Variants in PDLIM5 observed in about 807,000 individuals in gnomAD.
The protein encoded by PDLIM5 is PDZ and LIM domain protein 5.
Under a neutral mutation model 64.2 loss-of-function variants are expected in PDLIM5, and 34 were observed. That is an observed-to-expected ratio of 0.53 (90% CI 0.40 to 0.71). PDLIM5 has a LOEUF of 0.71. PDLIM5 is among the 30% of genes least tolerant of loss of function. The probability of loss-of-function intolerance (pLI) is 0.00; values close to 1 mark genes in which losing one functional copy is unlikely to be tolerated. For missense variants in PDLIM5, 683 were observed against 733.6 expected, an observed-to-expected ratio of 0.93 and a Z score of 0.80; for synonymous variants, 253 against 269.1, an observed-to-expected ratio of 0.94 and a Z score of 0.59.
At chr4:94,530,846 C>T (rs1222870272) in intron 3 of PDLIM5, among the ~76,000 whole-genome samples, 1 of 152,156 alleles carries the variant, frequency 6.6e-6, no homozygotes, top group Non-Finnish European at 1.5e-5. Flanking sequence ...GAAGAAGTAG[C>T]TGTTGTACCA....
At chr4:94,595,159 C>A (rs1736969331) in intron 7 of PDLIM5, among the ~76,000 whole-genome samples, 1 of 152,146 alleles carries the variant, frequency 6.6e-6, no homozygotes, top group South Asian at 2.1e-4. Flanking sequence ...GGAAAACCAC[C>A]CCAATGATCC....
chr4:94,528,377 T>G (rs1291891081), intron 3 of PDLIM5, among the ~76,000 whole-genome samples: 1 of 152,202 alleles, frequency 6.6e-6, no homozygotes, highest in East Asian at 1.9e-4. Flanking sequence ...CAAGGGCAAT[T>G]CCACGAGTCT....
intron 8 of PDLIM5, among the ~76,000 whole-genome samples, chr4:94,625,941 A>C (rs1739660065): frequency 6.6e-6 from 1 of 152,230 alleles, no homozygotes; most frequent in African/African-American, 2.4e-5. Context: ...ATTGACAAGA[A>C]TGTAAAAACA....
At chr4:94,590,336 C>T (rs1309153502) in intron 7 of PDLIM5, among the ~76,000 whole-genome samples, 1 of 151,926 alleles carries the variant, frequency 6.6e-6, no homozygotes, top group Non-Finnish European at 1.5e-5. Context: ...GATTTTCCCT[C>T]CAGATATGTA....
intron 3 of PDLIM5, among the ~76,000 whole-genome samples, chr4:94,571,790 G>A (rs574792917): frequency 3.3e-5 from 5 of 152,136 alleles, no homozygotes; most frequent in African/African-American, 7.2e-5. Context: ...TTGAGAAATA[G>A]GTTTCCTTAT....
intron 10 of PDLIM5, among the ~76,000 whole-genome samples, chr4:94,656,031 G>A (rs1006923533): frequency 1.5e-4 from 23 of 152,156 alleles, no homozygotes; most frequent in African/African-American, 4.6e-4. Flanking sequence ...TGGCTAATAA[G>A]TCTATATTAT....
chr4:94,522,702 C>G (rs752465717), intron 2 of PDLIM5, among the ~76,000 whole-genome samples: 1 of 152,110 alleles, frequency 6.6e-6, no homozygotes, highest in Non-Finnish European at 1.5e-5. Flanking sequence ...CGGTGTTGTG[C>G]GACCTTCTGA....
intron 2 of PDLIM5, among the ~76,000 whole-genome samples, chr4:94,513,459 T>G (rs1729076810): frequency 6.6e-6 from 1 of 152,218 alleles, no homozygotes; most frequent in Non-Finnish European, 1.5e-5. Context: ...ATAAGTTAAT[T>G]CTGAGGTACT....
chr4:94,603,691 G>A (rs943449818), intron 7 of PDLIM5, among the ~76,000 whole-genome samples: 22 of 152,252 alleles, frequency 1.4e-4, no homozygotes, highest in African/African-American at 5.1e-4. Context: ...GTGTGCGCAC[G>A]CGCGCGTGTG....
chr4:94,512,237 TC>T (rs1410941093), intron 2 of PDLIM5, among the ~76,000 whole-genome samples: 1 of 152,048 alleles, frequency 6.6e-6, no homozygotes, highest in Non-Finnish European at 1.5e-5. Flanking sequence ...GCCCGGATGG[TC>T]TCAATCTCCT....
At chr4:94,604,214 T>C (rs1737727859) in intron 7 of PDLIM5, among the ~76,000 whole-genome samples, 1 of 152,010 alleles carries the variant, frequency 6.6e-6, no homozygotes. Context: ...AGAGAAGCAG[T>C]AGTCAATTGA....
chr4:94,595,634 G>A (rs925173869), intron 7 of PDLIM5, among the ~76,000 whole-genome samples: 6 of 152,202 alleles, frequency 3.9e-5, no homozygotes, highest in African/African-American at 1.4e-4. Context: ...AAACTTTGTT[G>A]ATATTCATTG....
chr4:94,599,435 A>C (rs1377733130), intron 7 of PDLIM5, among the ~76,000 whole-genome samples: 2 of 152,186 alleles, frequency 1.3e-5, no homozygotes, highest in Non-Finnish European at 2.9e-5. Context: ...GTACAGTAAA[A>C]AAAGCTAATA....
chr4:94,464,140 A>C (rs1316575479), intron 2 of PDLIM5, among the ~76,000 whole-genome samples: 1 of 152,138 alleles, frequency 6.6e-6, no homozygotes, highest in Non-Finnish European at 1.5e-5. Flanking sequence ...TATGATGAGA[A>C]GAGTTTTGAA....
intron 2 of PDLIM5, among the ~76,000 whole-genome samples, chr4:94,458,546 G>T (rs1420660996): frequency 6.6e-6 from 1 of 152,074 alleles, no homozygotes; most frequent in Admixed American, 6.5e-5. Context: ...TCAGAAGTTT[G>T]TACTTAGCTG....
At chr4:94,651,094 C>T (rs759563724) in intron 9 of PDLIM5, among the ~76,000 whole-genome samples, 2 of 152,286 alleles carry the variant, frequency 1.3e-5, no homozygotes, top group African/African-American at 4.8e-5. Context: ...AGTGTTAATC[C>T]TGTGTTAATG....
chr4:94,501,494 T>C (rs747985310), intron 2 of PDLIM5, among the ~76,000 whole-genome samples: 12 of 152,138 alleles, frequency 7.9e-5, no homozygotes, highest in Non-Finnish European at 1.5e-4. Context: ...GTTCAGAAAT[T>C]GAGAGTAAGA....
chr4:94,556,662 T>C (rs1407325198), intron 3 of PDLIM5, among the ~76,000 whole-genome samples: 1 of 152,236 alleles, frequency 6.6e-6, no homozygotes, highest in Non-Finnish European at 1.5e-5. Flanking sequence ...GCAGTGATGA[T>C]GGGCATTTTT....
In PDLIM5 at chr4:94,624,925, G is replaced by A. The variant is rs987281592; in HGVS notation, c.1108+6734G>A. Among the ~76,000 whole-genome samples, 6 of 152,190 alleles carry A rather than the reference G, an allele frequency of 3.9e-5. No homozygotes were observed. In the South Asian group the frequency reaches 1.2e-3, roughly 31 times the overall value. ...CTTGCATTATTAAAAGATTATTATAGCATTAATGTGTTTAAAAGATCATCA... is the reference window on the plus strand; with the variant it reads ...CTTGCATTATTAAAAGATTATTATAACATTAATGTGTTTAAAAGATCATCA... On this transcript the variant is annotated intron_variant, in intron 8 of 12. Coordinates refer to ENST00000317968, the MANE Select transcript of PDLIM5 (RefSeq NM_006457.5).
Sources: allele counts gnomAD v4.1 joint callset (sites outside exome capture counted in the v4.1 genomes callset), GRCh38; gene constraint gnomAD v4.1.1; transcripts MANE v1.5; gene names NCBI Gene and HGNC (gene_info 2026-07-23, HGNC 2026-07-21).